Variants in EXOC2 observed in about 807,000 individuals in gnomAD.
The protein encoded by EXOC2 is SEC5-like 1.
In EXOC2, 70 loss-of-function variants were observed where a neutral mutation model predicts 131.8. The ratio of observed to expected loss-of-function variants is 0.53; its 90% CI spans 0.44 to 0.65. The LOEUF is 0.65. Ranked by LOEUF, EXOC2 falls within the 30% of genes least tolerant of loss-of-function variation. The pLI is 0.00. For synonymous variants in EXOC2, 411 were observed against 398.4 expected, an observed-to-expected ratio of 1.03 and a Z score of -0.38; for missense variants, 923 against 1,108.6, an observed-to-expected ratio of 0.83 and a Z score of 2.38.
chr6:579,966 T>C (rs1391191830), intron 11 of EXOC2, among the ~76,000 whole-genome samples: 1 of 151,632 alleles, frequency 6.6e-6, no homozygotes, highest in Non-Finnish European at 1.5e-5. Context: ...TTTTGTTTCA[T>C]CTTACAATAT....
chr6:610,182 G>GA lies in EXOC2; in HGVS notation c.662-5dup, dbSNP rs758900008. ...GCTTCTAGTTTTTGATGGATGGCTAGAAAAAAAAATCTAGTTAAAATGTAG... is the reference window on the plus strand; with the variant it reads ...GCTTCTAGTTTTTGATGGATGGCTAGAAAAAAAAAATCTAGTTAAAATGTAG... On this transcript the variant is annotated splice_region_variant and splice_polypyrimidine_tract_variant and intron_variant, in intron 6 of 27. Transcript: ENST00000230449. The GA allele has an allele frequency of 1.3e-4, 210 of 1,604,042 alleles. No homozygotes were observed. Among genetic ancestry groups the GA allele is most frequent in the African/African-American group, 4.9e-4 (36 of 74,092 alleles).
At chr6:510,875 CAAG>C (rs1174150059) in intron 23 of EXOC2, among the ~76,000 whole-genome samples, 4 of 152,062 alleles carry the variant, frequency 2.6e-5, no homozygotes, top group Non-Finnish European at 5.9e-5. Context: ...GTGAAAGTGA[CAAG>C]AAAACAGGAT....
chr6:662,466 C>T (rs986269790), intron 1 of EXOC2, among the ~76,000 whole-genome samples: 3 of 152,156 alleles, frequency 2.0e-5, no homozygotes, highest in Admixed American at 6.5e-5. Flanking sequence ...TCTCAGACCA[C>T]AGTAAAATAA....
At chr6:543,529 G>A (rs1251770666) in intron 22 of EXOC2, among the ~76,000 whole-genome samples, 1 of 152,174 alleles carries the variant, frequency 6.6e-6, no homozygotes, top group Non-Finnish European at 1.5e-5. Context: ...TAATAATAAT[G>A]TATTGTGTAT....
chr6:663,198 A>G (rs968321622), intron 1 of EXOC2, among the ~76,000 whole-genome samples: 2 of 152,218 alleles, frequency 1.3e-5, no homozygotes, highest in Non-Finnish European at 2.9e-5. Context: ...AACCTAGAAG[A>G]GATGGATAAA....
At chr6:607,386 C>A (rs535610298) in intron 7 of EXOC2, among the ~76,000 whole-genome samples, 1 of 152,240 alleles carries the variant, frequency 6.6e-6, no homozygotes, top group Non-Finnish European at 1.5e-5. Flanking sequence ...GCGAAGATAA[C>A]AGCACAAACC....
chr6:546,768 G>C (rs1756885773), intron 22 of EXOC2, among the ~76,000 whole-genome samples: 1 of 152,196 alleles, frequency 6.6e-6, no homozygotes, highest in Non-Finnish European at 1.5e-5. Flanking sequence ...GTATGCAATA[G>C]ATAAACAAAA....
intron 7 of EXOC2, among the ~76,000 whole-genome samples, chr6:603,900 A>C (rs751248406): frequency 1.3e-5 from 2 of 152,248 alleles, no homozygotes; most frequent in Non-Finnish European, 2.9e-5. Flanking sequence ...ATAGCTAATA[A>C]TGACAGGAAT....
chr6:507,125 TACACACAC>T, intron 23 of EXOC2, among the ~76,000 whole-genome samples: 1 of 43,070 alleles, frequency 2.3e-5, no homozygotes, highest in Non-Finnish European at 6.2e-5. Flanking sequence ...ACTACACACA[TACACACAC>T]ACATACACAC....
chr6:673,300 T>C (rs1418579440), intron 1 of EXOC2, among the ~76,000 whole-genome samples: 1 of 131,974 alleles, frequency 7.6e-6, no homozygotes, highest in African/African-American at 3.0e-5. Flanking sequence ...AATTCACATT[T>C]ATCTAAGAAA....
Position 633,048 on chromosome 6 carries a change from C to T in EXOC2, c.188G>A (p.Arg63Gln). 1.2e-6 allele frequency: 2 copies of T among 1,614,122 alleles called. No individual in the cohort carries two copies. The highest frequency in any genetic ancestry group is 1.7e-6 in the Non-Finnish European group (2 of 1,180,020). Residue 63 changes from arginine to glutamine, a missense_variant, in exon 3 of 28, where the codon CGA (arginine) becomes CAA (glutamine). By Grantham distance (43) the Arg-to-Gln change is conservative (BLOSUM62 1). Coordinates refer to ENST00000230449, the MANE Select transcript of EXOC2 (RefSeq NM_018303.6). Reference protein sequence around the residue: ...EWMSASKIVCRVGQAKNDKGD... With the variant: ...EWMSASKIVCQVGQAKNDKGD... ...TTTGTCATTTTTGGCTTGTCCCACTCGACATACTATTTTACTTGCAGACAT... is the reference window on the plus strand; with the variant it reads ...TTTGTCATTTTTGGCTTGTCCCACTTGACATACTATTTTACTTGCAGACAT...
intron 23 of EXOC2, 121 bp from the exon 24 acceptor site, chr6:499,821 CACT>C (rs1763941147): frequency 1.4e-6 from 1 of 708,346 alleles, no homozygotes; most frequent in Non-Finnish European, 2.5e-6. Context: ...GTAACACCAC[CACT>C]ATTTCCTTTT....
intron 23 of EXOC2, among the ~76,000 whole-genome samples, chr6:505,547 A>C (rs1001098590): frequency 1.6e-4 from 24 of 152,354 alleles, no homozygotes; most frequent in African/African-American, 5.8e-4. Flanking sequence ...GGCATCCGCC[A>C]GACAGCAGGC....
chr6:595,664 C>T (rs1759773145), intron 10 of EXOC2, among the ~76,000 whole-genome samples: 1 of 151,998 alleles, frequency 6.6e-6, no homozygotes. Context: ...AATTTGTACA[C>T]TCAACAAGAT....
chr6:567,701 T>C (rs902332727), intron 13 of EXOC2, among the ~76,000 whole-genome samples: 1 of 152,190 alleles, frequency 6.6e-6, no homozygotes, highest in African/African-American at 2.4e-5. Context: ...CATGCATACA[T>C]GTGCATGTGT....
At chr6:639,731 A>G (rs1762270302) in intron 1 of EXOC2, among the ~76,000 whole-genome samples, 1 of 152,220 alleles carries the variant, frequency 6.6e-6, no homozygotes, top group Admixed American at 6.5e-5. Flanking sequence ...AGCGGTTAAT[A>G]GTCTCACTCT....
chr6:656,579 C>T, intron 1 of EXOC2: 2 of 1,592,532 alleles, frequency 1.3e-6, no homozygotes, highest in Middle Eastern at 3.4e-4. Flanking sequence ...GAGCGCGGCC[C>T]AGGGACGAGA....
chr6:537,390 G>A (rs1020508926), intron 22 of EXOC2, among the ~76,000 whole-genome samples: 34 of 147,844 alleles, frequency 2.3e-4, no homozygotes, highest in African/African-American at 8.3e-4. Flanking sequence ...CCGACGGAGC[G>A]TACACTCGAG....
chr6:568,360 G>A (rs922378950), intron 13 of EXOC2, among the ~76,000 whole-genome samples: 4 of 152,194 alleles, frequency 2.6e-5, no homozygotes, highest in African/African-American at 9.7e-5. Flanking sequence ...TGGGCTTTAT[G>A]TGCCTTCATA....
Sources: allele counts gnomAD v4.1 joint callset (sites outside exome capture counted in the v4.1 genomes callset), GRCh38; gene constraint gnomAD v4.1.1; transcripts MANE v1.5; gene names NCBI Gene and HGNC (gene_info 2026-07-23, HGNC 2026-07-21).